The following ENPP1 variants were observed in gnomAD, a reference collection of about 807,000 sequenced individuals.
The protein encoded by ENPP1 is ectonucleotide pyrophosphatase/phosphodiesterase family member 1.
ENPP1 carries 73 observed loss-of-function variants against 122.8 expected under a neutral mutation model. The ratio of observed to expected loss-of-function variants is 0.59; its 90% CI spans 0.49 to 0.72. The LOEUF (loss-of-function observed/expected upper bound fraction) is 0.72. Among genes scored for constraint, ENPP1 ranks in the 30% least tolerant of loss-of-function variants. The pLI is 0.00. For synonymous variants in ENPP1, 367 were observed against 391.6 expected, an observed-to-expected ratio of 0.94 and a Z score of 0.74; for missense variants, 978 against 1,128.1, an observed-to-expected ratio of 0.87 and a Z score of 1.91.
chr6:131,847,755 T>A (rs770131296), intron 1 of ENPP1, 21 bp from the exon 2 acceptor site: 4 of 1,537,538 alleles, frequency 2.6e-6, no homozygotes, highest in Non-Finnish European at 3.6e-6. Context: ...AACCATGTAA[T>A]TTTCTCTTTT....
chr6:131,840,861 C>T (rs1781731022), intron 1 of ENPP1, among the ~76,000 whole-genome samples: 1 of 152,184 alleles, frequency 6.6e-6, no homozygotes. Flanking sequence ...GAACTTGAAG[C>T]TCTTTCTACC....
chr6:131,826,225 T>C, intron 1 of ENPP1: 1 of 946,826 alleles, frequency 1.1e-6, no homozygotes, highest in East Asian at 2.4e-5. Context: ...CTTTTTGCAC[T>C]GAAACAGCCC....
At chr6:131,821,913 A>G (rs574880864) in intron 1 of ENPP1, among the ~76,000 whole-genome samples, 62 of 152,342 alleles carry the variant, frequency 4.1e-4, no homozygotes, top group Middle Eastern at 3.4e-3. Flanking sequence ...CCCAGAGTTT[A>G]TTCCATAATA....
chr6:131,869,504 G>T lies in ENPP1; in HGVS notation c.1405+15G>T, dbSNP rs780745735. Reference sequence around the variant, plus strand: ...ATACTATTCATGTAAGTATATCTCTGTGATAACTTTGAATATGGTCATATT... The same window carrying T: ...ATACTATTCATGTAAGTATATCTCTTTGATAACTTTGAATATGGTCATATT... On this transcript the variant is annotated intron_variant, in intron 13 of 24. Coordinates refer to ENST00000647893, the MANE Select transcript of ENPP1 (RefSeq NM_006208.3). 14 of 1,611,804 alleles carry T rather than the reference G, an allele frequency of 8.7e-6. No homozygotes were observed. The South Asian group carries it at 1.3e-4, about 15-fold the overall frequency.
In ENPP1 at chr6:131,893,949, C is replaced by CTTTTTT. The variant is rs564304453; in HGVS notation, c.*3463_*3468dup. 63 of 59,502 alleles carry CTTTTTT rather than the reference C, an allele frequency of 1.1e-3. No homozygotes were observed. Among genetic ancestry groups the CTTTTTT allele is most frequent in the South Asian group, 1.6e-3 (2 of 1,234 alleles). 3.7% of individuals were successfully genotyped at this position (59,502 alleles called of 1,614,324 possible). On this transcript the variant is annotated 3_prime_UTR_variant, in exon 25 of 25. Transcript: ENST00000647893. ...GTGAAACCTTTATTTATCTTGATTT[C>CTTTTTT]TTTTTTTTTTTTTTTTTTTTTTTTT...
intron 20 of ENPP1, among the ~76,000 whole-genome samples, chr6:131,880,388 T>A (rs1782288146): frequency 6.6e-6 from 1 of 151,684 alleles, no homozygotes; most frequent in Non-Finnish European, 1.5e-5. Context: ...ACGGTGAAAC[T>A]CCATCTCTAC....
chr6:131,869,220 C>G, intron 12 of ENPP1, 138 bp from the exon 13 acceptor site: 1 of 785,364 alleles, frequency 1.3e-6, no homozygotes. Context: ...TTCTGTCTTA[C>G]CTATCAGATC....
chr6:131,857,546 A>G (rs1175344709), intron 6 of ENPP1, among the ~76,000 whole-genome samples: 3 of 150,250 alleles, frequency 2.0e-5, no homozygotes, highest in Non-Finnish European at 4.4e-5. Flanking sequence ...AAACTATCGC[A>G]AGAACAAAAA....
chr6:131,871,727 G>C (rs1782164344), intron 13 of ENPP1, among the ~76,000 whole-genome samples: 1 of 152,170 alleles, frequency 6.6e-6, no homozygotes, highest in Non-Finnish European at 1.5e-5. Flanking sequence ...GATGGATGAT[G>C]GATATTGGTT....
At chr6:131,879,068 G>T (rs1782269422) in intron 19 of ENPP1, among the ~76,000 whole-genome samples, 1 of 152,098 alleles carries the variant, frequency 6.6e-6, no homozygotes, top group Non-Finnish European at 1.5e-5. Flanking sequence ...TGAATGTTTG[G>T]AGTCACTATA....
intron 24 of ENPP1, 68 bp downstream of exon 24, chr6:131,886,792 C>T: frequency 7.4e-7 from 1 of 1,352,120 alleles, no homozygotes; most frequent in Non-Finnish European, 1.0e-6. Flanking sequence ...GTTTATGTCA[C>T]CCATCTGACA....
In ENPP1 at chr6:131,860,511, G is replaced by A; in HGVS notation, c.915+5G>A. On this transcript the variant is annotated splice_donor_5th_base_variant and intron_variant, in intron 8 of 24. Coordinates refer to ENST00000647893, the MANE Select transcript of ENPP1 (RefSeq NM_006208.3). ...GAGTGGTACAAAGGAGAACCAGTGA[G>A]TTCTTTGTTTTTCTACTAAAATAGT... The A allele has an allele frequency of 6.3e-7, 1 of 1,588,966 alleles. No homozygotes were observed. The highest frequency in any genetic ancestry group is 1.1e-5 in the South Asian group (1 of 90,346).
chr6:131,862,934 G>A (rs1782042475), intron 9 of ENPP1, among the ~76,000 whole-genome samples: 2 of 151,928 alleles, frequency 1.3e-5, no homozygotes. Context: ...TCTGGGCGGT[G>A]GGGAAGGGCT....
intron 13 of ENPP1, among the ~76,000 whole-genome samples, chr6:131,870,676 C>T (rs1356298060): frequency 2.6e-5 from 4 of 152,174 alleles, no homozygotes; most frequent in Admixed American, 6.5e-5. Context: ...GATAGATTTA[C>T]ACAGTGTCAC....
At chr6:131,844,767 G>T (rs1342244365) in intron 1 of ENPP1, among the ~76,000 whole-genome samples, 2 of 152,100 alleles carry the variant, frequency 1.3e-5, no homozygotes, top group East Asian at 1.9e-4. Context: ...TGAGGAGAGT[G>T]GTTGTGAGAA....
At chr6:131,812,927 G>A (rs779348772) in intron 1 of ENPP1, among the ~76,000 whole-genome samples, 9 of 151,956 alleles carry the variant, frequency 5.9e-5, no homozygotes, top group Non-Finnish European at 1.0e-4. Flanking sequence ...GCAACCTCCC[G>A]CTCCTGGGTT....
At chr6:131,877,450 GT>G (rs1396750679) in intron 18 of ENPP1, 3 of 442,394 alleles carry the variant, frequency 6.8e-6, no homozygotes, top group Non-Finnish European at 1.3e-5. Flanking sequence ...GAGAAGTCTA[GT>G]TCAGTTCTTG....
intron 16 of ENPP1, 24 bp from the exon 17 acceptor site, chr6:131,875,752 A>C (rs1244733672): frequency 6.2e-7 from 1 of 1,602,314 alleles, no homozygotes; most frequent in South Asian, 1.1e-5. Flanking sequence ...ATGCACTGAT[A>C]AACTTCCTTT....
Position 131,858,699 on chromosome 6 carries a change from A to G in ENPP1, c.747A>G (p.Arg249=). 1 of 1,611,282 alleles carries G rather than the reference A, an allele frequency of 6.2e-7. No homozygotes were observed. Among genetic ancestry groups the G allele is most frequent in the Non-Finnish European group, 8.5e-7 (1 of 1,177,552 alleles). Residue 249 remains arginine (R), a synonymous_variant, in exon 7 of 25, where the codon AGA becomes AGG. Coordinates refer to ENST00000647893, the MANE Select transcript of ENPP1 (RefSeq NM_006208.3). ...KKCGTYTKNM[R]PVYPTKTFPN... ...GTGGAACATATACTAAAAACATGAG[A>G]CCGGTATATCCAACAAAAACTTTCC...
Sources: gnomAD v4.1 joint callset for allele counts (sites outside exome capture counted in the v4.1 genomes callset) on GRCh38, gnomAD v4.1.1 for gene constraint, MANE v1.5 for transcripts, NCBI Gene and HGNC (gene_info 2026-07-23, HGNC 2026-07-21) for gene names.